TTN: variants seen among roughly 807,000 people sequenced by gnomAD.
The protein encoded by TTN is connectin.
TTN carries 1,525 observed loss-of-function variants against 3,223.0 expected under a neutral mutation model. The observed-to-expected ratio is 0.47, with a 90% confidence interval of 0.45 to 0.49. The LOEUF (loss-of-function observed/expected upper bound fraction) is 0.49, where lower values mean the gene tolerates loss of function less well. Ranked by LOEUF, TTN falls within the 20% of genes least tolerant of loss-of-function variation. The probability of loss-of-function intolerance (pLI) is 0.00; values close to 1 mark genes in which losing one functional copy is unlikely to be tolerated. For synonymous variants in TTN, 14,094 were observed against 15,161.0 expected (o/e 0.93, Z 5.17); for missense variants, 40,786 against 43,424.0 (o/e 0.94, Z 5.40).
chr2:178,783,425 A>G (rs919173880), intron 17 of TTN, among the ~76,000 whole-genome samples: 29 of 152,100 alleles, frequency 1.9e-4, no homozygotes, highest in African/African-American at 6.8e-4. Context: ...AAATATTTCA[A>G]AGAGGGATGG....
In TTN at chr2:178,572,289, C is replaced by T. The variant is rs374131909; in HGVS notation, c.73843G>A (p.Glu24615Lys). The T allele has an allele frequency of 6.2e-7, 1 of 1,612,440 alleles. No individual in the cohort carries two copies. Among genetic ancestry groups the T allele is most frequent in the Non-Finnish European group, 8.5e-7 (1 of 1,178,912 alleles). Residue 24615 changes from glutamate (E) to lysine (K), a missense_variant, in exon 326 of 363, where the codon GAA (glutamate) becomes AAA (lysine). Physicochemically the swap from Glu to Lys is moderately conservative, Grantham distance 56 (BLOSUM62 1). Transcript: ENST00000589042. ...AETAESVKAS[E>K]RPLPPGKITL... ...ATTTTTCCTGGAGGAAGAGGTCGTT[C>T]TGATGCTTTCACAGATTCTGCGGTT...
chr2:178,599,258 C>T lies in TTN; in HGVS notation c.56535G>A (p.Thr18845=), dbSNP rs529480368. Residue 18845 remains threonine, a synonymous_variant, in exon 290 of 363, where the codon ACG becomes ACA. Transcript: ENST00000589042. ...CATGGCCTTCTAGCAATTTGGGAAT[C>T]GTGTACGTGCACTCCTTAGGTTCAC... ...VSSEPKECTY[T]IPKLLEGHEY... 79 of 1,564,776 alleles carry T rather than the reference C, an allele frequency of 5.0e-5. No individual in the cohort carries two copies. Among genetic ancestry groups the T allele is most frequent in the Middle Eastern group, 3.4e-4 (2 of 5,828 alleles).
chr2:178,639,373 ATG>A, intron 223 of TTN, among the ~76,000 whole-genome samples: 1 of 152,040 alleles, frequency 6.6e-6, no homozygotes, highest in African/African-American at 2.4e-5. Flanking sequence ...GGATTCTTAT[ATG>A]TATACCCTTA....
chr2:178,591,953 T>C, intron 302 of TTN, 25 bp downstream of exon 302: 1 of 1,607,434 alleles, frequency 6.2e-7, no homozygotes. Context: ...AAACAATAGT[T>C]TTGTATTCAG....
rs2050531286 is a variant in TTN at position 178,592,874 on chromosome 2, C to T, written c.59245G>A (p.Asp19749Asn). The T allele has an allele frequency of 6.2e-7, 1 of 1,613,380 alleles. No individual in the cohort carries two copies. Among genetic ancestry groups the T allele is most frequent in the South Asian group, 1.1e-5 (1 of 91,074 alleles). The change falls in exon 300 of 363, where the codon GAC becomes AAC. Residue 19749 changes from aspartate to asparagine, a missense_variant. Transcript: ENST00000589042. ...ACTCTAAACTTATAGGTTTGACCGT[C>T]CCGAAGACCGGTGACTTTATATTTA... is the stretch of plus-strand genomic sequence containing the variant. ...ETKYKVTGLR[D>N]GQTYKFRVLA...
In TTN at chr2:178,725,574, A is replaced by G. The variant is rs142794598; in HGVS notation, c.20630T>C (p.Ile6877Thr). The G allele has an allele frequency of 1.8e-4, 291 of 1,612,578 alleles. 1 individual carries two copies. The African/African-American group carries it at 3.5e-3, about 19-fold the overall frequency. Residue 6877 changes from isoleucine to threonine, a missense_variant, in exon 71 of 363, where the codon ATA becomes ACA. Transcript: ENST00000589042. The stretch of plus-strand genomic sequence containing the variant: ...GACAAAAATAGGCTGGGCGCCTTCT[A>G]TGGATGCTTGTAATTCAGCAGGCTC... Reference protein sequence around the residue: ...AGEPAELQASIEGAQPIFVQW... With the variant: ...AGEPAELQASTEGAQPIFVQW...
chr2:178,747,936 G>A (rs1199231994), intron 47 of TTN: 25 of 1,613,086 alleles, frequency 1.5e-5, no homozygotes, highest in Non-Finnish European at 2.0e-5. Context: ...TGTCTATGGA[G>A]TGTGTCAGCT....
In TTN at chr2:178,550,261, A is replaced by G. The variant is rs1307500421; in HGVS notation, c.91577T>C (p.Val30526Ala). ...MTRDENVPPIVEFGPEYFDGL... is the reference protein window; with the variant it reads ...MTRDENVPPIAEFGPEYFDGL... The stretch of plus-strand genomic sequence containing the variant: ...ATCAAAGTATTCAGGGCCAAACTCT[A>G]CTATTGGTGGAACTATAAAAGAAAG... The change falls in exon 337 of 363, where the codon GTA becomes GCA. Residue 30526 changes from valine (V) to alanine (A), a missense_variant. Transcript: ENST00000589042. 1 of 1,609,212 alleles carries G rather than the reference A, an allele frequency of 6.2e-7. No homozygotes were observed. Among genetic ancestry groups the G allele is most frequent in the Non-Finnish European group, 8.5e-7 (1 of 1,177,088 alleles).
chr2:178,647,654 C>G (rs1407314673), intron 213 of TTN, among the ~76,000 whole-genome samples, 190 bp from the exon 214 acceptor site: 1 of 152,078 alleles, frequency 6.6e-6, no homozygotes, highest in East Asian at 1.9e-4. Flanking sequence ...TCATTTGCTT[C>G]TAGTCCTCTG....
chr2:178,600,967 A>G lies in TTN; in HGVS notation c.55937T>C (p.Val18646Ala), dbSNP rs2053262199. ...TTCCCCACCCTCTACTAGGTCTTCA[A>G]CAGTAAATTGCAGTTCTTCCACATC... ...KRDVEELQFT[V>A]EDLVEGGEYE... Residue 18646 changes from valine to alanine, a missense_variant, in exon 288 of 363, where the codon GTT becomes GCT. Val to Ala is a moderately conservative substitution (Grantham distance 64). Transcript: ENST00000589042. 3.1e-6 allele frequency: 5 copies of G among 1,613,056 alleles called. No individual in the cohort carries two copies. The highest frequency in any genetic ancestry group is 4.2e-6 in the Non-Finnish European group (5 of 1,179,338).
chr2:178,616,839 T>C lies in TTN; in HGVS notation c.48050A>G (p.Tyr16017Cys). 6.2e-7 allele frequency: 1 copy of C among 1,612,728 alleles called. No individual in the cohort carries two copies. The highest frequency in any genetic ancestry group is 2.2e-5 in the East Asian group (1 of 44,694). The change falls in exon 256 of 363, where the codon TAT becomes TGT. Residue 16017 changes from tyrosine (Y) to cysteine (C), a missense_variant. Transcript: ENST00000589042. Reference sequence around the variant, plus strand: ...ACTTGGAGAAATGACAAGTTCGGCATAGGCAGACAAGGTCTTCATTTTCAC... The same window carrying C: ...ACTTGGAGAAATGACAAGTTCGGCACAGGCAGACAAGGTCTTCATTTTCAC... The part of the protein sequence containing the change: ...DRVKMKTLSA[Y>C]AELVISPSER...
In TTN at chr2:178,717,958, C is replaced by T; in HGVS notation, c.25048G>A (p.Val8350Met). 6.2e-7 allele frequency: 1 copy of T among 1,612,170 alleles called. No homozygotes were observed. Among genetic ancestry groups the T allele is most frequent in the East Asian group, 2.2e-5 (1 of 44,856 alleles). The part of the protein sequence containing the change: ...NSVGAVASSA[V>M]LVIKARKLPP... The stretch of plus-strand genomic sequence containing the variant: ...ACACCATCACCTTTGATAACAAGCA[C>T]AGCTGAAGAAGCGACTGCCCCCACA... Residue 8350 changes from valine (V) to methionine (M), a missense_variant, in exon 86 of 363, where the codon GTG becomes ATG. Physicochemically the swap from Val to Met is conservative, Grantham distance 21. Coordinates refer to ENST00000589042, the MANE Select transcript of TTN (RefSeq NM_001267550.2).
At chr2:178,652,220 A>G (rs767644049) in intron 203 of TTN, 41 bp from the exon 204 acceptor site, 16 of 1,612,664 alleles carry the variant, frequency 9.9e-6, no homozygotes, top group Non-Finnish European at 1.3e-5. Flanking sequence ...GACAAAGTAA[A>G]GACAAACAAA....
At chr2:178,709,884 G>A in intron 98 of TTN, 28 bp from the exon 99 acceptor site, 1 of 1,558,580 alleles carries the variant, frequency 6.4e-7, no homozygotes. Flanking sequence ...GATATATGAA[G>A]TAGAAGCTAG....
At position 178,604,322 on chromosome 2, in the gene TTN, CAG is replaced by C. The variant is rs1281145051; in HGVS notation, c.54382-19_54382-18del. 7 of 1,431,092 alleles carry C rather than the reference CAG, an allele frequency of 4.9e-6. No homozygotes were observed. Among genetic ancestry groups the C allele is most frequent in the Non-Finnish European group, 5.5e-6 (6 of 1,088,998 alleles). 88.6% of individuals were successfully genotyped at this position (1,431,092 alleles called of 1,614,324 possible). A position where few individuals can be genotyped will look rare whatever the true frequency, so the allele number is the denominator to read the frequency against. ...TTTCCAGATCTAGAAATTAGAAAAA[CAG>C]AAATTTATTGAAGAGAATATACTTA... On this transcript the variant is annotated intron_variant, in intron 281 of 362. Transcript: ENST00000589042.
At position 178,558,464 on chromosome 2, in the gene TTN, G is replaced by A. The variant is rs879148150; in HGVS notation, c.86995C>T (p.His28999Tyr). 2 of 1,613,796 alleles carry A rather than the reference G, an allele frequency of 1.2e-6. No individual in the cohort carries two copies. Among genetic ancestry groups the A allele is most frequent in the African/African-American group, 1.3e-5 (1 of 75,026 alleles). ...WVKCAVAKSTHHVVSGLRENS... is the reference protein window; with the variant it reads ...WVKCAVAKSTYHVVSGLRENS... ...TCTCTCAGACCGGAAACAACGTGAT[G>A]GGTTGACTTTGCCACTGCACATTTA... The change falls in exon 327 of 363, where the codon CAT becomes TAT. Residue 28999 changes from histidine (H) to tyrosine (Y), a missense_variant. Transcript: ENST00000589042.
chr2:178,630,390 C>T lies in TTN; in HGVS notation c.44155-23G>A, dbSNP rs1175415424. On this transcript the variant is annotated intron_variant, in intron 238 of 362. Transcript: ENST00000589042. ...ATCCTGTACCAACAAAACAGAAAAACTTTCATAGAAAATAATTTTCTTTGA... is the reference window on the plus strand; with the variant it reads ...ATCCTGTACCAACAAAACAGAAAAATTTTCATAGAAAATAATTTTCTTTGA... The T allele has an allele frequency of 3.2e-6, 5 of 1,577,912 alleles. No individual in the cohort carries two copies. The African/African-American group carries it at 6.9e-5, about 22-fold the overall frequency.
Position 178,681,668 on chromosome 2 carries a change from C to T in TTN, c.33165G>A (p.Pro11055=), listed in dbSNP as rs756152512. ...EPVPTKPKAP[P]AKVLKKAVPE... ...ATGTTTTTTTCACTCTACCTTTAGC[C>T]GGTGGGGCCTTTGGTTTTGTGGGAA... Residue 11055 remains proline, a synonymous_variant, in exon 136 of 363, where the codon CCG becomes CCA. Coordinates refer to ENST00000589042, the MANE Select transcript of TTN (RefSeq NM_001267550.2). The T allele has an allele frequency of 1.6e-5, 25 of 1,605,476 alleles. No homozygotes were observed. The highest frequency in any genetic ancestry group is 3.5e-5 in the Admixed American group (2 of 57,912).
Position 178,611,597 on chromosome 2 carries a change from T to C in TTN, c.50632A>G (p.Lys16878Glu). Residue 16878 changes from lysine (K) to glutamate (E), a missense_variant, in exon 269 of 363, where the codon AAA becomes GAA. Transcript: ENST00000589042. ...CCTATGATAGGACTTCCACCATTTT[T>C]CTCTGGAGGCTTCCAAGCAATGGCA... is the stretch of plus-strand genomic sequence containing the variant. Reference protein sequence around the residue: ...HIAIAWKPPEKNGGSPIIGYH... With the variant: ...HIAIAWKPPEENGGSPIIGYH... 1.2e-6 allele frequency: 2 copies of C among 1,613,040 alleles called. No homozygotes were observed. The highest frequency in any genetic ancestry group is 1.7e-6 in the Non-Finnish European group (2 of 1,179,332).
Sources: allele counts gnomAD v4.1 joint callset (sites outside exome capture counted in the v4.1 genomes callset), GRCh38; gene constraint gnomAD v4.1.1; transcripts MANE v1.5; gene names NCBI Gene and HGNC (gene_info 2026-07-23, HGNC 2026-07-21).